The following PSD2 variants were observed in gnomAD, a reference collection of about 807,000 sequenced individuals.
PSD2 encodes PH and SEC7 domain-containing protein 2.
In PSD2, 38 loss-of-function variants were observed where a neutral mutation model predicts 69.8. The observed-to-expected ratio is 0.54, with a 90% CI of 0.42 to 0.71. The LOEUF (loss-of-function observed/expected upper bound fraction) is 0.71, where lower values mean the gene tolerates loss of function less well. Among genes scored for constraint, PSD2 ranks in the 30% least tolerant of loss-of-function variants. The pLI is 0.00. For synonymous variants in PSD2, 412 were observed against 423.0 expected (o/e 0.97, Z 0.32); for missense variants, 943 against 1,014.5 (o/e 0.93, Z 0.96).
At chr5:139,754,323 T>G in the PSD2 span, among the ~76,000 whole-genome samples, 4 of 152,080 alleles carry the variant, frequency 2.6e-5, no homozygotes, top group African/African-American at 9.7e-5. Context: ...TCCCAGCTAC[T>G]TGGGAGGCTT....
At chr5:139,766,939 TTCTTTCTTTCTTTC>T in the PSD2 span, among the ~76,000 whole-genome samples, 1 of 97,100 alleles carries the variant, frequency 1.0e-5, no homozygotes, top group African/African-American at 4.4e-5. Flanking sequence ...CCTTCTTTCT[TTCTTTCTTTCTTTC>T]TTTCTTTCTT....
At chr5:139,813,095 C>T (rs750347697) in intron 2 of PSD2, among the ~76,000 whole-genome samples, 52 of 152,182 alleles carry the variant, frequency 3.4e-4, no homozygotes, top group Admixed American at 5.9e-4. Flanking sequence ...CTGGGGGCCC[C>T]GGCCCCAGGT....
At chr5:139,830,948 T>C (rs923418605) in intron 7 of PSD2, among the ~76,000 whole-genome samples, 4 of 151,626 alleles carry the variant, frequency 2.6e-5, no homozygotes, top group African/African-American at 7.3e-5. Flanking sequence ...GTCCATTTCA[T>C]CTGGGTTATC....
chr5:139,778,398 T>C, the PSD2 span, among the ~76,000 whole-genome samples: 1 of 152,230 alleles, frequency 6.6e-6, no homozygotes, highest in Non-Finnish European at 1.5e-5. Flanking sequence ...CCAGAGGCTC[T>C]GCTTCCTCCT....
At chr5:139,789,178 C>A in the PSD2 span, among the ~76,000 whole-genome samples, 4 of 152,330 alleles carry the variant, frequency 2.6e-5, no homozygotes, top group Admixed American at 6.5e-5. Flanking sequence ...TTCTTCGGTT[C>A]ATCACTCTTT....
chr5:139,811,461 G>T (rs1048911324), intron 2 of PSD2, among the ~76,000 whole-genome samples: 1 of 152,212 alleles, frequency 6.6e-6, no homozygotes, highest in Non-Finnish European at 1.5e-5. Context: ...GGCTGATGCA[G>T]AGGGAGGGGA....
At chr5:139,808,407 G>A (rs1486285550) in intron 1 of PSD2, among the ~76,000 whole-genome samples, 1 of 152,228 alleles carries the variant, frequency 6.6e-6, no homozygotes, top group East Asian at 1.9e-4. Context: ...TGGCGGTGAA[G>A]ATGATGGGTA....
chr5:139,778,945 C>CA, the PSD2 span, among the ~76,000 whole-genome samples: 1,430 of 99,804 alleles, frequency 0.014, 13 homozygotes, highest in African/African-American at 0.031. Context: ...AGAAAAAAAA[C>CA]AAAAAAAAAA....
chr5:139,745,161 A>G, the PSD2 span: 3 of 152,322 alleles, frequency 2.0e-5, no homozygotes, highest in Admixed American at 2.0e-4. Context: ...CTGGCACGCA[A>G]GTACTCACAG....
chr5:139,745,619 A>G, the PSD2 span, among the ~76,000 whole-genome samples: 1 of 152,246 alleles, frequency 6.6e-6, no homozygotes, highest in East Asian at 1.9e-4. Flanking sequence ...CCCGTCCCCA[A>G]GAGTGACTCA....
chr5:139,842,241 C>T, intron 14 of PSD2, 30 bp from the exon 15 acceptor site: 1 of 1,601,022 alleles, frequency 6.2e-7, no homozygotes. Context: ...ATTTTGTTGT[C>T]TTTTGACCTT....
In PSD2 at chr5:139,806,203, G is replaced by A. The variant is rs562171901; in HGVS notation, c.-50-3188G>A. 9.2e-5 allele frequency among the ~76,000 whole-genome samples: 14 copies of A among 152,396 alleles called. No homozygotes were observed. In the South Asian group the frequency reaches 2.3e-3, roughly 25 times the overall value. On this transcript the variant is annotated intron_variant, in intron 1 of 14. Transcript: ENST00000274710. ...AGGGGATCTTGGCCAATGCCAGCCT[G>A]TCATTTGCAGGCGTCTCCTTGGGAT...
At position 139,813,475 on chromosome 5, in the gene PSD2, C is replaced by G; in HGVS notation, c.538C>G (p.Leu180Val). 1 of 1,613,898 alleles carries G rather than the reference C, an allele frequency of 6.2e-7. No individual in the cohort carries two copies. The highest frequency in any genetic ancestry group is 8.5e-7 in the Non-Finnish European group (1 of 1,179,836). The change falls in exon 3 of 15, where the codon CTC (leucine) becomes GTC (valine). Residue 180 changes from leucine to valine, a missense_variant. This residue lies in a region of PSD2 where 466 missense variants were observed against 445.0 expected (regional missense o/e 1.05). Coordinates refer to ENST00000274710, the MANE Select transcript of PSD2 (RefSeq NM_032289.4). Reference sequence around the variant, plus strand: ...CAGCTGCGTCAGCTTCGAGGCCCCCCTCACACCCCTCATCCAGCAGCGGGC... The same window carrying G: ...CAGCTGCGTCAGCTTCGAGGCCCCCGTCACACCCCTCATCCAGCAGCGGGC... ...SDSCVSFEAP[L>V]TPLIQQRARD...
chr5:139,806,145 G>T (rs1385836651), intron 1 of PSD2, among the ~76,000 whole-genome samples: 1 of 152,238 alleles, frequency 6.6e-6, no homozygotes, highest in African/African-American at 2.4e-5. Flanking sequence ...ACCCTGCCTG[G>T]AGAGGGGCTT....
rs201952164 is a variant in PSD2, at chr5:139,833,771, T to G, written c.1339T>G (p.Phe447Val). ...NLDQLNDGQD[F>V]AKDLLKTLYN... The stretch of plus-strand genomic sequence containing the variant: ...GGACCAGCTGAATGATGGCCAAGAC[T>G]TTGCCAAAGACCTGCTGAAGGTACT... The change falls in exon 8 of 15, where the codon TTT becomes GTT. Residue 447 changes from phenylalanine (F) to valine (V), a missense_variant. Physicochemically the swap from Phe to Val is conservative, Grantham distance 50. Transcript: ENST00000274710. 1 of 1,613,842 alleles carries G rather than the reference T, an allele frequency of 6.2e-7. No individual in the cohort carries two copies. Among genetic ancestry groups the G allele is most frequent in the African/African-American group, 1.3e-5 (1 of 75,036 alleles).
At chr5:139,782,585 C>T in the PSD2 span, among the ~76,000 whole-genome samples, 6 of 148,650 alleles carry the variant, frequency 4.0e-5, no homozygotes, top group Non-Finnish European at 7.5e-5. Context: ...CTCTGCCTCC[C>T]GGGTTCAAGC....
At chr5:139,778,560 T>C in the PSD2 span, among the ~76,000 whole-genome samples, 1 of 152,238 alleles carries the variant, frequency 6.6e-6, no homozygotes, top group African/African-American at 2.4e-5. Flanking sequence ...CTTTTTGCCA[T>C]TATAATCAAT....
intron 12 of PSD2, 115 bp from the exon 13 acceptor site, chr5:139,838,513 T>C (rs1012681437): frequency 4.3e-6 from 5 of 1,156,992 alleles, no homozygotes; most frequent in Admixed American, 3.8e-5. Context: ...TATCCACCCA[T>C]CTAGAGGTAC....
At chr5:139,794,420 G>A (rs183336086), upstream of PSD2, among the ~76,000 whole-genome samples, 164 of 152,318 alleles carry the variant, frequency 1.1e-3, 3 homozygotes, top group East Asian at 0.027. Context: ...GGGAGACTAC[G>A]CACAGCTCAG....
Sources: allele counts gnomAD v4.1 joint callset (sites outside exome capture counted in the v4.1 genomes callset), GRCh38; gene constraint gnomAD v4.1.1; regional missense constraint gnomAD v4.1.1; transcripts MANE v1.5; gene names NCBI Gene and HGNC (gene_info 2026-07-23, HGNC 2026-07-21).